The following WDR41 variants were observed in gnomAD, a reference collection of about 807,000 sequenced individuals.
The protein encoded by WDR41 is WD repeat domain 41.
WDR41 carries 63 observed loss-of-function variants against 69.3 expected under a neutral mutation model. That is an observed-to-expected ratio of 0.91 (90% confidence interval 0.74 to 1.12). WDR41 has a LOEUF of 1.12. WDR41 is among the 50% of genes most tolerant of loss of function. The pLI, the probability that WDR41 is intolerant of heterozygous loss-of-function variation, is 0.00. For synonymous variants in WDR41, 185 were observed against 192.1 expected (o/e 0.96, Z 0.31); for missense variants, 543 against 534.5 (o/e 1.02, Z -0.16).
chr5:77,513,168 A>G (rs1484854940), intron 1 of WDR41, among the ~76,000 whole-genome samples: 1 of 152,094 alleles, frequency 6.6e-6, no homozygotes, highest in Non-Finnish European at 1.5e-5. Context: ...TAATTCTTGT[A>G]CTTCTGTACA....
intron 1 of WDR41, among the ~76,000 whole-genome samples, chr5:77,571,413 G>A (rs1173334099): frequency 6.6e-6 from 1 of 152,076 alleles, no homozygotes; most frequent in African/African-American, 2.4e-5. Flanking sequence ...GAACATAGGA[G>A]GAGGATGCAA....
intron 2 of WDR41, among the ~76,000 whole-genome samples, chr5:77,481,952 A>G (rs1011034175): frequency 6.6e-6 from 1 of 152,264 alleles, no homozygotes; most frequent in African/African-American, 2.4e-5. Context: ...CTGAACACTC[A>G]GAACACTAGC....
intron 1 of WDR41, among the ~76,000 whole-genome samples, chr5:77,610,949 G>A (rs1744535600): frequency 6.6e-6 from 1 of 152,110 alleles, no homozygotes; most frequent in Non-Finnish European, 1.5e-5. Context: ...CAAAATAAAA[G>A]GATGGAGGAA....
intron 1 of WDR41, among the ~76,000 whole-genome samples, chr5:77,524,589 C>T (rs1232991054): frequency 6.7e-6 from 1 of 148,442 alleles, no homozygotes; most frequent in Admixed American, 6.8e-5. Flanking sequence ...CAGATCCTGT[C>T]TCCAAATAAA....
intron 1 of WDR41, among the ~76,000 whole-genome samples, chr5:77,573,040 A>G (rs1478682067): frequency 6.6e-6 from 1 of 152,164 alleles, no homozygotes; most frequent in African/African-American, 2.4e-5. Context: ...ATTCACTCAC[A>G]ATTGTACATG....
chr5:77,539,292 T>C (rs536919066), intron 1 of WDR41, among the ~76,000 whole-genome samples: 1 of 152,226 alleles, frequency 6.6e-6, no homozygotes, highest in Non-Finnish European at 1.5e-5. Context: ...TCTATAAATA[T>C]CAATTCATAT....
chr5:77,564,102 G>A (rs1243467509), intron 1 of WDR41, among the ~76,000 whole-genome samples: 1 of 152,116 alleles, frequency 6.6e-6, no homozygotes, highest in African/African-American at 2.4e-5. Flanking sequence ...TACATGTAAA[G>A]TATAAAGACA....
intron 9 of WDR41, 92 bp downstream of exon 9, chr5:77,440,718 CTTT>C: frequency 8.1e-7 from 1 of 1,230,292 alleles, no homozygotes. Context: ...TGAATGATAC[CTTT>C]TTTATGTCCA....
chr5:77,504,112 A>G (rs868461735), intron 1 of WDR41, among the ~76,000 whole-genome samples: 1 of 152,086 alleles, frequency 6.6e-6, no homozygotes, highest in Non-Finnish European at 1.5e-5. Context: ...AAGATCAACA[A>G]AATTGATAGA....
intron 1 of WDR41, among the ~76,000 whole-genome samples, chr5:77,539,548 A>G (rs3846673): frequency 0.62 from 94,178 of 151,926 alleles, 31,038 homozygotes; most frequent in African/African-American, 0.84. Flanking sequence ...TCAGAGGGTG[A>G]ACACTTTTTT....
chr5:77,550,717 A>G lies in WDR41; in HGVS notation c.43-61145T>C, dbSNP rs937874398. Among the ~76,000 whole-genome samples, 7 of 152,354 alleles carry G rather than the reference A, an allele frequency of 4.6e-5. No individual in the cohort carries two copies. In the East Asian group the frequency reaches 1.3e-3, roughly 29 times the overall value. On this transcript the variant is annotated intron_variant, in intron 1 of 5. Coordinates refer to the WDR41 transcript ENST00000509971. Reference sequence around the variant, plus strand: ...TGAAAACAGAACTGCCATTTGACCCAGAAATCCCATTACTGAATTATAACC... The same window carrying G: ...TGAAAACAGAACTGCCATTTGACCCGGAAATCCCATTACTGAATTATAACC...
intron 2 of WDR41, among the ~76,000 whole-genome samples, chr5:77,466,552 T>C (rs1295393653): frequency 6.6e-6 from 1 of 151,972 alleles, no homozygotes; most frequent in African/African-American, 2.4e-5. Context: ...TTTAACTTCT[T>C]ATGATTGTTT....
At chr5:77,478,341 C>A (rs191666179) in intron 2 of WDR41, among the ~76,000 whole-genome samples, 1 of 152,264 alleles carries the variant, frequency 6.6e-6, no homozygotes, top group East Asian at 1.9e-4. Flanking sequence ...CAGCATCATC[C>A]TGATACCAAA....
chr5:77,451,003 A>G (rs7702451), intron 7 of WDR41, among the ~76,000 whole-genome samples: 8,170 of 152,226 alleles, frequency 0.054, 695 homozygotes, highest in African/African-American at 0.18. Context: ...CTTATGGGAA[A>G]TTCTACTTTA....
At chr5:77,496,018 C>G (rs1054184291), upstream of WDR41, among the ~76,000 whole-genome samples, 1 of 151,878 alleles carries the variant, frequency 6.6e-6, no homozygotes, top group Non-Finnish European at 1.5e-5. Flanking sequence ...GGAAGATAAC[C>G]ACAAGATAAT....
In WDR41 at chr5:77,616,010, TAAATA is replaced by T. The variant is rs1447488026; in HGVS notation, c.42+4464_42+4468del. On this transcript the variant is annotated intron_variant, in intron 1 of 5. Transcript: ENST00000509971. ...CCTGTCTCAAAGAAAAATAAATAAA[TAAATA>T]AATTAATTAATTAATAAAATTACTG... Among the ~76,000 whole-genome samples, 52 of 151,500 alleles carry T rather than the reference TAAATA, an allele frequency of 3.4e-4. No individual in the cohort carries two copies. In the Middle Eastern group the frequency reaches 0.01, roughly 30 times the overall value.
intron 1 of WDR41, among the ~76,000 whole-genome samples, chr5:77,562,172 G>T (rs1203816179): frequency 6.6e-6 from 1 of 152,122 alleles, no homozygotes; most frequent in Admixed American, 6.6e-5. Flanking sequence ...GTGCCGATCT[G>T]CTGCGCTTGT....
intron 5 of WDR41, among the ~76,000 whole-genome samples, chr5:77,455,976 C>CAA (rs200446615): frequency 1.3e-4 from 13 of 102,736 alleles, no homozygotes; most frequent in African/African-American, 4.3e-4. Flanking sequence ...GTAAATTTCT[C>CAA]AAAAAAAAAA....
chr5:77,539,151 C>T (rs1010035684), intron 1 of WDR41, among the ~76,000 whole-genome samples: 2 of 152,076 alleles, frequency 1.3e-5, no homozygotes, highest in South Asian at 2.1e-4. Flanking sequence ...CCCTCATGAC[C>T]TCATTACCTC....
Sources: gnomAD v4.1 joint callset for allele counts (sites outside exome capture counted in the v4.1 genomes callset) on GRCh38, gnomAD v4.1.1 for gene constraint, MANE v1.5 for transcripts, NCBI Gene and HGNC (gene_info 2026-07-23, HGNC 2026-07-21) for gene names.